The following GAS7 variants were observed in gnomAD, a reference collection of about 807,000 sequenced individuals.
GAS7 encodes growth arrest-specific protein 7.
In GAS7, 28 loss-of-function variants were observed where a neutral mutation model predicts 71.1. The observed-to-expected ratio is 0.39, with a 90% CI of 0.29 to 0.54. The LOEUF is 0.54. Ranked by LOEUF, GAS7 falls within the 20% of genes least tolerant of loss-of-function variation. The pLI is 0.62. For synonymous variants in GAS7, 258 were observed against 245.8 expected, an observed-to-expected ratio of 1.05 and a Z score of -0.46; for missense variants, 436 against 627.8, an observed-to-expected ratio of 0.69 and a Z score of 3.27.
chr17:10,045,675 C>T (rs1264788936), intron 1 of GAS7, among the ~76,000 whole-genome samples: 6 of 152,230 alleles, frequency 3.9e-5, no homozygotes, highest in Admixed American at 6.5e-5. Flanking sequence ...CCAGCCTAGG[C>T]GACAGAGTGA....
chr17:9,935,620 A>G (rs1719791826), intron 8 of GAS7, among the ~76,000 whole-genome samples: 1 of 152,236 alleles, frequency 6.6e-6, no homozygotes, highest in Non-Finnish European at 1.5e-5. Flanking sequence ...GAATTGCCCA[A>G]CAGTGCACAG....
intron 4 of GAS7, among the ~76,000 whole-genome samples, chr17:9,961,762 T>C (rs1172254013): frequency 6.6e-6 from 1 of 152,170 alleles, no homozygotes; most frequent in Non-Finnish European, 1.5e-5. Flanking sequence ...GATCATGAAA[T>C]TGGGGCTTGC....
Position 10,026,762 on chromosome 17 carries a change from C to T in GAS7, c.184-6865G>A, listed in dbSNP as rs1447453723. Among the ~76,000 whole-genome samples the T allele has an allele frequency of 1.3e-5, 2 of 152,216 alleles. No homozygotes were observed. Among genetic ancestry groups the T allele is most frequent in the African/African-American group, 4.8e-5 (2 of 41,464 alleles). ...ACCTGTTTAGGTGGGCAGACTCCTA[C>T]ACAGAGCTGGGAACAGCTACCCGAG... On this transcript the variant is annotated intron_variant, in intron 1 of 13. Transcript: ENST00000432992. This position sits in a 1 kb window ranked among gnomAD's most constrained non-coding sequence, Gnocchi z 4.5.
At chr17:10,003,847 A>G (rs1415974257) in intron 2 of GAS7, among the ~76,000 whole-genome samples, 1 of 151,996 alleles carries the variant, frequency 6.6e-6, no homozygotes, top group Non-Finnish European at 1.5e-5. Flanking sequence ...CTAACTTCTC[A>G]CCCCATTTTC....
rs1168647491 is a variant in GAS7, at chr17:10,016,747, CAAA to C, written c.304+3027_304+3029del. 3.7e-5 allele frequency among the ~76,000 whole-genome samples: 5 copies of C among 134,872 alleles called. No individual in the cohort carries two copies. The East Asian group carries it at 6.5e-4, about 17-fold the overall frequency. 88.5% of individuals were successfully genotyped at this position (134,872 alleles called of 152,430 possible). A position where few individuals can be genotyped will look rare whatever the true frequency, so the allele number is the denominator to read the frequency against. On this transcript the variant is annotated intron_variant, in intron 2 of 13. Transcript: ENST00000432992. ...TGGGTAACATGGCAAAACATCTCTA[CAAA>C]AAATAATAATAATAATAATAATAAT...
intron 1 of GAS7, among the ~76,000 whole-genome samples, chr17:10,127,222 G>A (rs1212350075): frequency 6.6e-6 from 1 of 152,182 alleles, no homozygotes; most frequent in Non-Finnish European, 1.5e-5. Flanking sequence ...TTAACAGGAA[G>A]CCCTGGGAAG....
At position 9,969,661 on chromosome 17, in the gene GAS7, C is replaced by T. The variant is rs2277688; in HGVS notation, c.471+16G>A. The T allele has an allele frequency of 0.016, 24,586 of 1,524,650 alleles. 1,790 individuals carry two copies. The Admixed American group carries it at 0.18, about 11-fold the overall frequency. 94.4% of individuals were successfully genotyped at this position (1,524,650 alleles called of 1,614,324 possible). A position where few individuals can be genotyped will look rare whatever the true frequency, so the allele number is the denominator to read the frequency against. ...GAAGCAGTGACCGCTATACCTCCCT[C>T]AACAGGACCCCTTACCTGGGAATCA... On this transcript the variant is annotated intron_variant, in intron 4 of 13. Transcript: ENST00000432992. The surrounding 1 kb of genome is among the most constrained non-coding windows in gnomAD (Gnocchi z 5.5).
intron 1 of GAS7, among the ~76,000 whole-genome samples, chr17:10,144,604 C>T (rs527979187): frequency 6.6e-6 from 1 of 152,166 alleles, no homozygotes; most frequent in Admixed American, 6.5e-5. Flanking sequence ...AGTACAGTGG[C>T]GCAATCACGG....
At chr17:9,975,182 C>A (rs1036491404) in intron 3 of GAS7, among the ~76,000 whole-genome samples, 1 of 152,136 alleles carries the variant, frequency 6.6e-6, no homozygotes, top group Non-Finnish European at 1.5e-5. Context: ...TGGTGAAACC[C>A]CATCTCTACT....
At chr17:10,087,811 C>T (rs189788980) in intron 1 of GAS7, among the ~76,000 whole-genome samples, 214 of 152,070 alleles carry the variant, frequency 1.4e-3, no homozygotes, top group Middle Eastern at 3.4e-3. Context: ...AGAAAGTAAG[C>T]GAAAATAAGG....
chr17:10,045,786 C>A (rs1377167052), intron 1 of GAS7, among the ~76,000 whole-genome samples: 1 of 152,218 alleles, frequency 6.6e-6, no homozygotes, highest in African/African-American at 2.4e-5. Flanking sequence ...AGAGATCCCA[C>A]AGCTTGGTTT....
chr17:9,914,198 C>T lies in GAS7; in HGVS notation c.*3030G>A. 4.6e-6 allele frequency: 1 copy of T among 218,754 alleles called. No individual in the cohort carries two copies. The highest frequency in any genetic ancestry group is 2.2e-5 in the African/African-American group (1 of 44,596). 13.6% of individuals were successfully genotyped at this position (218,754 alleles called of 1,614,324 possible). The stretch of plus-strand genomic sequence containing the variant: ...CAATTTCATAGCCTCACTGGTTACC[C>T]TTGAGCTTCACTTTCCTATTTGCAA... On this transcript the variant is annotated 3_prime_UTR_variant, in exon 14 of 14. Transcript: ENST00000432992.
chr17:9,952,164 C>T (rs1046515533), intron 5 of GAS7, among the ~76,000 whole-genome samples: 1 of 152,174 alleles, frequency 6.6e-6, no homozygotes, highest in Admixed American at 6.5e-5. Context: ...TCCCACCCCC[C>T]ACTGTCTGAT....
intron 2 of GAS7, among the ~76,000 whole-genome samples, chr17:10,001,343 G>C (rs1392094369): frequency 6.6e-6 from 1 of 152,096 alleles, no homozygotes; most frequent in Non-Finnish European, 1.5e-5. Flanking sequence ...TACAGGTCCA[G>C]GGAAGAAACA....
At chr17:10,033,118 TA>T (rs1245838838) in intron 1 of GAS7, among the ~76,000 whole-genome samples, 1 of 152,208 alleles carries the variant, frequency 6.6e-6, no homozygotes, top group East Asian at 1.9e-4. Flanking sequence ...ACATGCATCC[TA>T]GGTTTTCTAT....
chr17:9,971,125 G>A (rs890769370), intron 3 of GAS7, among the ~76,000 whole-genome samples: 5 of 152,128 alleles, frequency 3.3e-5, no homozygotes, highest in African/African-American at 9.7e-5. Context: ...GGCAGGGTGC[G>A]GTAGCTCACG....
intron 1 of GAS7, among the ~76,000 whole-genome samples, chr17:10,075,294 G>A (rs2073378698): frequency 1.3e-5 from 2 of 151,338 alleles, no homozygotes; most frequent in African/African-American, 4.9e-5. Context: ...AGGCAGAGGT[G>A]CAGTAAGCTG....
chr17:10,147,450 C>T (rs918372678), intron 1 of GAS7, among the ~76,000 whole-genome samples: 2 of 152,148 alleles, frequency 1.3e-5, no homozygotes, highest in African/African-American at 4.8e-5. Context: ...CTAAAATACG[C>T]AGACAAAAGG....
intron 1 of GAS7, among the ~76,000 whole-genome samples, chr17:10,083,528 GT>G (rs1717367290): frequency 1.3e-5 from 2 of 152,270 alleles, no homozygotes; most frequent in Admixed American, 1.3e-4. Flanking sequence ...GCCCTGCCCA[GT>G]TGGCCTTCCC....
Sources: allele counts gnomAD v4.1 joint callset (sites outside exome capture counted in the v4.1 genomes callset), GRCh38; gene constraint gnomAD v4.1.1; non-coding constraint Gnocchi (gnomAD v3.1); transcripts MANE v1.5; gene names NCBI Gene and HGNC (gene_info 2026-07-23, HGNC 2026-07-21).